The following GALNT9 variants were observed in gnomAD, a reference collection of about 807,000 sequenced individuals.
The protein encoded by GALNT9 is polypeptide N-acetylgalactosaminyltransferase 9, also known as GalNAc transferase 9.
Under a neutral mutation model 63.1 loss-of-function variants are expected in GALNT9, and 47 were observed. That is an observed-to-expected ratio of 0.75 (90% CI 0.59 to 0.95). The LOEUF is 0.95. Among genes scored for constraint, GALNT9 ranks in the 40% least tolerant of loss-of-function variants. GALNT9 has a pLI of 0.00. For synonymous variants in GALNT9, 396 were observed against 365.7 expected, an observed-to-expected ratio of 1.08 and a Z score of -0.94; for missense variants, 829 against 874.8, an observed-to-expected ratio of 0.95 and a Z score of 0.66.
chr12:132,239,189 G>T (rs1381173174), intron 6 of GALNT9, among the ~76,000 whole-genome samples: 1 of 147,702 alleles, frequency 6.8e-6, no homozygotes, highest in Admixed American at 6.7e-5. Context: ...GTGTGGGGGT[G>T]GGGGACAGGC....
rs1935685457 is a variant in GALNT9 at position 132,217,552 on chromosome 12, T to C, written c.1078-13862A>G. Among the ~76,000 whole-genome samples the C allele has an allele frequency of 2.3e-5, 3 of 131,246 alleles. No individual in the cohort carries two copies. In the South Asian group the frequency reaches 8.1e-4, roughly 36 times the overall value. The allele number at this position is 131,246 out of a possible 152,430, so 86.1% of individuals were successfully genotyped here. A position where few individuals can be genotyped will look rare whatever the true frequency, so the allele number is the denominator to read the frequency against. ...ACCAGCCAACCATTCATCCATCCAC[T>C]CACTCTATCCATCTATCCATCCAGC... is the stretch of plus-strand genomic sequence containing the variant. On this transcript the variant is annotated intron_variant, in intron 6 of 10. Coordinates refer to ENST00000328957, the MANE Select transcript of GALNT9 (RefSeq NM_001122636.2).
At chr12:132,303,687 G>A (rs543409428) in intron 1 of GALNT9, among the ~76,000 whole-genome samples, 123 of 30,144 alleles carry the variant, frequency 4.1e-3, no homozygotes, top group East Asian at 8.6e-3. Flanking sequence ...AGCCTCACCC[G>A]GGCACACCCT....
At chr12:132,275,757 G>A (rs1321405907) in intron 2 of GALNT9, 11 of 152,474 alleles carry the variant, frequency 7.2e-5, no homozygotes, top group South Asian at 4.1e-4. Flanking sequence ...CGTGCCCTTC[G>A]CCTTATGAAC....
intron 1 of GALNT9, among the ~76,000 whole-genome samples, chr12:132,321,229 G>A (rs797027915): frequency 1.0e-4 from 4 of 39,210 alleles, no homozygotes; most frequent in East Asian, 3.2e-3. Context: ...TGGGTCTGGA[G>A]TCGAGGCCCC....
rs1463986427 is a variant in GALNT9 at position 132,279,301 on chromosome 12, A to G, written c.419+6949T>C. On this transcript the variant is annotated intron_variant, in intron 2 of 10. Coordinates refer to ENST00000328957, the MANE Select transcript of GALNT9 (RefSeq NM_001122636.2). The surrounding 1 kb of genome is among the most constrained non-coding windows in gnomAD (Gnocchi z 4.1). ...TAAGCACGTGACCCACTATGGGCCAATGAAAGTCGCCTGAGACTTTTGCTT... is the reference window on the plus strand; with the variant it reads ...TAAGCACGTGACCCACTATGGGCCAGTGAAAGTCGCCTGAGACTTTTGCTT... The G allele has an allele frequency of 4.6e-5, 7 of 152,306 alleles. No homozygotes were observed. Among genetic ancestry groups the G allele is most frequent in the Non-Finnish European group, 8.8e-5 (6 of 68,092 alleles). 9.4% of individuals were successfully genotyped at this position (152,306 alleles called of 1,614,324 possible). A position where few individuals can be genotyped will look rare whatever the true frequency, so the allele number is the denominator to read the frequency against.
intron 9 of GALNT9, among the ~76,000 whole-genome samples, chr12:132,198,547 C>T (rs1250879812): frequency 1.4e-5 from 1 of 73,410 alleles, no homozygotes; most frequent in African/African-American, 5.5e-5. Flanking sequence ...CCAATGCTTC[C>T]CACACTTCGC....
At chr12:132,240,948 T>G (rs1878285062) in intron 6 of GALNT9, among the ~76,000 whole-genome samples, 1 of 137,038 alleles carries the variant, frequency 7.3e-6, no homozygotes, top group Non-Finnish European at 1.6e-5. Context: ...CCACACCCCC[T>G]TCCCGGGGCC....
Position 132,246,386 on chromosome 12 carries a change from C to T in GALNT9, c.1077+1524G>A, listed in dbSNP as rs567977841. 2.6e-5 allele frequency among the ~76,000 whole-genome samples: 4 copies of T among 152,132 alleles called. No homozygotes were observed. The highest frequency in any genetic ancestry group is 1.9e-4 in the East Asian group (1 of 5,176). On this transcript the variant is annotated intron_variant, in intron 6 of 10. Transcript: ENST00000328957. This position sits in a 1 kb window ranked among gnomAD's most constrained non-coding sequence, Gnocchi z 4.7. Reference sequence around the variant, plus strand: ...AACTAGATATTTTAAAGCACTTGGTCGGGGGGATTTCTGGTATGATATCAG... The same window carrying T: ...AACTAGATATTTTAAAGCACTTGGTTGGGGGGATTTCTGGTATGATATCAG...
At chr12:132,267,996 C>T (rs1879708546) in intron 2 of GALNT9, among the ~76,000 whole-genome samples, 1 of 151,114 alleles carries the variant, frequency 6.6e-6, no homozygotes, top group Non-Finnish European at 1.5e-5. Flanking sequence ...CACACACATG[C>T]ACACACACAG....
At chr12:132,300,805 CCCA>C (rs1241334848) in intron 1 of GALNT9, among the ~76,000 whole-genome samples, 1 of 152,066 alleles carries the variant, frequency 6.6e-6, no homozygotes, top group Non-Finnish European at 1.5e-5. Context: ...CTAACCCACC[CCCA>C]CCACACCTAA....
rs1487639034 is a variant in GALNT9, at chr12:132,240,892, ACC to A, written c.1077+7016_1077+7017del. 3.2e-4 allele frequency among the ~76,000 whole-genome samples: 27 copies of A among 83,346 alleles called. 1 individual carries two copies. The highest frequency in any genetic ancestry group is 3.0e-3 in the East Asian group (7 of 2,368). The allele number at this position is 83,346 out of a possible 152,430, so 54.7% of individuals were successfully genotyped here. On this transcript the variant is annotated intron_variant, in intron 6 of 10. Coordinates refer to ENST00000328957, the MANE Select transcript of GALNT9 (RefSeq NM_001122636.2). ...CCGTCCCTATACCCATTACACACAC[ACC>A]ACACACCCTTCCCGGGGCCCTCCCT...
chr12:132,312,691 GGGGAAAC>G (rs1187601793), intron 1 of GALNT9, among the ~76,000 whole-genome samples: 1 of 152,226 alleles, frequency 6.6e-6, no homozygotes, highest in African/African-American at 2.4e-5. Flanking sequence ...GAGGATGGGA[GGGGAAAC>G]TGGCCCTGCC....
chr12:132,325,408 C>T (rs1183609729), intron 1 of GALNT9, among the ~76,000 whole-genome samples: 1 of 152,178 alleles, frequency 6.6e-6, no homozygotes, highest in Non-Finnish European at 1.5e-5. Context: ...CGAGGTGTCA[C>T]ACAGTCATGG....
intron 7 of GALNT9, among the ~76,000 whole-genome samples, chr12:132,202,119 G>A (rs918692602): frequency 6.6e-6 from 1 of 152,226 alleles, no homozygotes; most frequent in East Asian, 1.9e-4. Context: ...AAGTGGGGAC[G>A]ATCACGCCAG....
In GALNT9 at chr12:132,197,139, T is replaced by A. The variant is rs745786838; in HGVS notation, c.1780A>T (p.Ile594Phe). ...CGTGCGTGTTTGATCCAGTTTCTGA[T>A]CATCCACTTCTGCCCCGAGCACCTC... ...VQRCSGQKWM[I>F]RNWIKHARH is the part of the protein sequence containing the mutation. The change falls in exon 11 of 11, where the codon ATC (isoleucine) becomes TTC (phenylalanine). Residue 594 changes from isoleucine (I) to phenylalanine (F), a missense_variant. Ile to Phe is a conservative substitution (Grantham distance 21). Transcript: ENST00000328957. 2 of 1,614,038 alleles carry A rather than the reference T, an allele frequency of 1.2e-6. No homozygotes were observed. The highest frequency in any genetic ancestry group is 1.7e-6 in the Non-Finnish European group (2 of 1,180,008).
At chr12:132,198,449 C>CTGGGG (rs1565979696) in intron 9 of GALNT9, among the ~76,000 whole-genome samples, 9 of 96,564 alleles carry the variant, frequency 9.3e-5, no homozygotes, top group East Asian at 3.6e-4. Context: ...TGGGGCTGGG[C>CTGGGG]CTGGGCCTGT....
chr12:132,197,403 G>A, intron 10 of GALNT9, 150 bp from the exon 11 acceptor site: 1 of 1,149,828 alleles, frequency 8.7e-7, no homozygotes, highest in Non-Finnish European at 1.2e-6. Flanking sequence ...GCACCCAGGG[G>A]GGCCGGGAAG....
chr12:132,326,752 C>T (rs1869054272), intron 1 of GALNT9, among the ~76,000 whole-genome samples: 1 of 152,204 alleles, frequency 6.6e-6, no homozygotes, highest in Non-Finnish European at 1.5e-5. Flanking sequence ...ATTTTGCATC[C>T]TGGGATGTCA....
In GALNT9 at chr12:132,262,729, G is replaced by C. The variant is rs548796182; in HGVS notation, c.420-104C>G. The stretch of plus-strand genomic sequence containing the variant: ...TGCAGGAGACACGGTTTGGGGTGCG[G>C]TCAGGGCGCAGCATGAGGGACCCCA... On this transcript the variant is annotated intron_variant, in intron 2 of 10. Transcript: ENST00000328957. 3 of 1,449,218 alleles carry C rather than the reference G, an allele frequency of 2.1e-6. No individual in the cohort carries two copies. The African/African-American group carries it at 4.3e-5, about 21-fold the overall frequency. The allele number at this position is 1,449,218 out of a possible 1,614,324, so 89.8% of individuals were successfully genotyped here.
Sources: gnomAD v4.1 joint callset for allele counts (sites outside exome capture counted in the v4.1 genomes callset) on GRCh38, gnomAD v4.1.1 for gene constraint, Gnocchi (gnomAD v3.1) non-coding constraint, MANE v1.5 for transcripts, NCBI Gene and HGNC (gene_info 2026-07-23, HGNC 2026-07-21) for gene names.